The following PTPRK variants were observed in gnomAD, a reference collection of about 807,000 sequenced individuals.
PTPRK encodes protein tyrosine phosphatase receptor type K, also known as receptor-type tyrosine-protein phosphatase kappa.
A neutral mutation model predicts 178.0 loss-of-function variants in PTPRK; 75 were observed. The observed-to-expected ratio is 0.42, with a 90% confidence interval of 0.35 to 0.51. PTPRK has a LOEUF of 0.51. Among genes scored for constraint, PTPRK ranks in the 20% least tolerant of loss-of-function variants. PTPRK has a pLI of 0.02. For synonymous variants in PTPRK, 637 were observed against 620.6 expected (o/e 1.03, Z -0.39); for missense variants, 1,441 against 1,797.8 (o/e 0.80, Z 3.59).
intron 1 of PTPRK, among the ~76,000 whole-genome samples, chr6:128,481,973 T>A (rs1013948688): frequency 6.6e-6 from 1 of 152,134 alleles, no homozygotes; most frequent in Non-Finnish European, 1.5e-5. Context: ...AGAACTGAAT[T>A]TTGTTCTAAT....
intron 13 of PTPRK, among the ~76,000 whole-genome samples, chr6:128,025,206 C>T (rs1774101172): frequency 6.6e-6 from 1 of 152,310 alleles, no homozygotes; most frequent in South Asian, 2.1e-4. Context: ...TAAGACACTC[C>T]ACTCTCTCCC....
At chr6:128,062,790 C>G (rs139009954) in intron 13 of PTPRK, 1 of 152,282 alleles carries the variant, frequency 6.6e-6, no homozygotes, top group Non-Finnish European at 1.5e-5. Context: ...GCGATGCTCT[C>G]GCTTCAGCCT....
intron 13 of PTPRK, among the ~76,000 whole-genome samples, chr6:128,048,897 G>C (rs1047672701): frequency 7.2e-5 from 11 of 151,972 alleles, no homozygotes; most frequent in Non-Finnish European, 1.5e-4. Context: ...CCTTCAACTA[G>C]AATTTAAGTT....
intron 9 of PTPRK, among the ~76,000 whole-genome samples, chr6:128,083,387 TA>T (rs1785159796): frequency 6.6e-6 from 1 of 152,038 alleles, no homozygotes. Context: ...CTTAAATTTA[TA>T]AAAAGGAAAA....
At chr6:128,130,900 T>C (rs762576027) in intron 7 of PTPRK, among the ~76,000 whole-genome samples, 4 of 152,232 alleles carry the variant, frequency 2.6e-5, no homozygotes, top group Admixed American at 6.5e-5. Context: ...TGCAAAGTTC[T>C]GGGCTAGCTC....
chr6:128,006,429 G>A (rs1198706542), intron 14 of PTPRK, among the ~76,000 whole-genome samples: 4 of 150,670 alleles, frequency 2.7e-5, no homozygotes, highest in Admixed American at 1.3e-4. Context: ...TAGAACTTGT[G>A]TACTATATAG....
intron 11 of PTPRK, among the ~76,000 whole-genome samples, chr6:128,073,754 T>C (rs948750898): frequency 6.6e-6 from 1 of 152,068 alleles, no homozygotes; most frequent in African/African-American, 2.4e-5. Flanking sequence ...TGATTCTACC[T>C]ACTATGATTC....
intron 1 of PTPRK, among the ~76,000 whole-genome samples, chr6:128,448,233 T>G (rs1248264994): frequency 6.6e-6 from 1 of 152,242 alleles, no homozygotes; most frequent in African/African-American, 2.4e-5. Flanking sequence ...CAAATGCTTC[T>G]GAACTAAATA....
chr6:128,369,545 T>TA, intron 2 of PTPRK, among the ~76,000 whole-genome samples: 1 of 152,120 alleles, frequency 6.6e-6, no homozygotes, highest in Non-Finnish European at 1.5e-5. Flanking sequence ...AAAGAATATT[T>TA]AAAGAAATTT....
intron 3 of PTPRK, among the ~76,000 whole-genome samples, chr6:128,260,553 T>C (rs1442710034): frequency 1.3e-5 from 2 of 152,278 alleles, no homozygotes; most frequent in East Asian, 1.9e-4. Context: ...GGGATGGAGA[T>C]TACCGCTTTT....
chr6:128,489,568 G>C (rs1399739731), intron 1 of PTPRK, among the ~76,000 whole-genome samples: 1 of 152,018 alleles, frequency 6.6e-6, no homozygotes, highest in Non-Finnish European at 1.5e-5. Context: ...ATAAAATTAA[G>C]GAAAATATAA....
At chr6:128,373,376 C>A (rs1028517755) in intron 2 of PTPRK, among the ~76,000 whole-genome samples, 5 of 152,158 alleles carry the variant, frequency 3.3e-5, no homozygotes, top group Admixed American at 6.5e-5. Flanking sequence ...ACACGCACAT[C>A]CTCACACACA....
At chr6:128,354,778 T>C (rs1413418044) in intron 2 of PTPRK, among the ~76,000 whole-genome samples, 2 of 152,328 alleles carry the variant, frequency 1.3e-5, no homozygotes, top group Non-Finnish European at 2.9e-5. Context: ...GAATTTAAAC[T>C]AACTTGCTTA....
intron 13 of PTPRK, among the ~76,000 whole-genome samples, chr6:128,017,080 T>A (rs1375940306): frequency 2.6e-5 from 4 of 152,032 alleles, no homozygotes. Flanking sequence ...CTGGGTAACT[T>A]CTTCAGATTT....
chr6:128,428,533 G>A (rs1010052013), intron 1 of PTPRK, among the ~76,000 whole-genome samples: 3 of 152,186 alleles, frequency 2.0e-5, no homozygotes, highest in Non-Finnish European at 2.9e-5. Context: ...AGTGCTAGAG[G>A]GGATACCTCC....
At chr6:128,384,431 C>G (rs1838397789) in intron 2 of PTPRK, among the ~76,000 whole-genome samples, 1 of 151,534 alleles carries the variant, frequency 6.6e-6, no homozygotes, top group Non-Finnish European at 1.5e-5. Flanking sequence ...CTCAAAAACT[C>G]AATATAATAT....
chr6:128,487,713 T>C (rs377320674), intron 1 of PTPRK, among the ~76,000 whole-genome samples: 6 of 152,058 alleles, frequency 3.9e-5, no homozygotes, highest in South Asian at 4.1e-4. Flanking sequence ...AGAATAAAAA[T>C]AGAGTTTTCC....
Position 128,295,721 on chromosome 6 carries a change from C to T in PTPRK, c.495+26318G>A, listed in dbSNP as rs190279230. ...AATAAACTTAAGCAAGTTAGTTTTC[C>T]ACATCTACATATTAAGGTGATTATT... is the stretch of plus-strand genomic sequence containing the variant. On this transcript the variant is annotated intron_variant, in intron 3 of 29. Coordinates refer to ENST00000368226, the MANE Select transcript of PTPRK (RefSeq NM_002844.4). Among the ~76,000 whole-genome samples, 8 of 152,114 alleles carry T rather than the reference C, an allele frequency of 5.3e-5. No individual in the cohort carries two copies. In the East Asian group the frequency reaches 1.4e-3, roughly 26 times the overall value.
chr6:128,178,764 C>A (rs999532644), intron 7 of PTPRK, among the ~76,000 whole-genome samples: 28 of 151,638 alleles, frequency 1.8e-4, no homozygotes, highest in Admixed American at 1.3e-4. Flanking sequence ...ATGGGATGAT[C>A]CTTTTACAAA....
Sources: allele counts gnomAD v4.1 joint callset (sites outside exome capture counted in the v4.1 genomes callset), GRCh38; gene constraint gnomAD v4.1.1; transcripts MANE v1.5; gene names NCBI Gene and HGNC (gene_info 2026-07-23, HGNC 2026-07-21).